Variants in PLEKHG1 observed in about 807,000 individuals in gnomAD.
The protein encoded by PLEKHG1 is pleckstrin homology domain-containing family G member 1.
Under a neutral mutation model 100.8 loss-of-function variants are expected in PLEKHG1, and 44 were observed. That is an observed-to-expected ratio of 0.44 (90% CI 0.34 to 0.56). PLEKHG1 has a LOEUF of 0.56. Ranked by LOEUF, PLEKHG1 falls within the 20% of genes least tolerant of loss-of-function variation. The probability of loss-of-function intolerance (pLI) is 0.01; values close to 1 mark genes in which losing one functional copy is unlikely to be tolerated. For missense variants in PLEKHG1, 1,545 were observed against 1,720.9 expected, an observed-to-expected ratio of 0.90 and a Z score of 1.81; for synonymous variants, 640 against 662.5, an observed-to-expected ratio of 0.97 and a Z score of 0.52.
At chr6:150,603,557 A>G (rs192522121) in intron 1 of PLEKHG1, among the ~76,000 whole-genome samples, 1 of 152,308 alleles carries the variant, frequency 6.6e-6, no homozygotes, top group Non-Finnish European at 1.5e-5. Context: ...TAATGCTGCA[A>G]AACAGCTTCA....
chr6:150,787,737 T>C (rs1038780597), intron 4 of PLEKHG1, among the ~76,000 whole-genome samples: 1 of 152,194 alleles, frequency 6.6e-6, no homozygotes, highest in Non-Finnish European at 1.5e-5. Flanking sequence ...CTGGGTTTTA[T>C]TGGAGCAAAG....
At chr6:150,788,081 T>A (rs745510716) in intron 4 of PLEKHG1, among the ~76,000 whole-genome samples, 4 of 152,256 alleles carry the variant, frequency 2.6e-5, no homozygotes, top group Non-Finnish European at 5.9e-5. Context: ...ATTAAAGATG[T>A]TCCAGCGTAT....
At chr6:150,713,530 C>A (rs1315118301) in intron 3 of PLEKHG1, among the ~76,000 whole-genome samples, 1 of 152,164 alleles carries the variant, frequency 6.6e-6, no homozygotes, top group Non-Finnish European at 1.5e-5. Flanking sequence ...AGCTGTCAAC[C>A]TTATGATGTT....
intron 3 of PLEKHG1, among the ~76,000 whole-genome samples, chr6:150,680,770 G>A (rs1779902814): frequency 6.6e-6 from 1 of 152,180 alleles, no homozygotes; most frequent in African/African-American, 2.4e-5. Context: ...GGTGAAGCGG[G>A]GAAGAGACTA....
chr6:150,825,554 A>G (rs1272428336), intron 14 of PLEKHG1, among the ~76,000 whole-genome samples: 1 of 152,244 alleles, frequency 6.6e-6, no homozygotes, highest in Non-Finnish European at 1.5e-5. Flanking sequence ...CCTGGGCAAC[A>G]GAGTGAGATT....
chr6:150,684,105 A>G (rs1021609615), intron 3 of PLEKHG1, among the ~76,000 whole-genome samples: 3 of 152,340 alleles, frequency 2.0e-5, no homozygotes, highest in Admixed American at 6.5e-5. Context: ...CATGACTTCA[A>G]GAAGCCCTCA....
chr6:150,730,586 G>C (rs113890435), intron 1 of PLEKHG1, among the ~76,000 whole-genome samples: 2 of 152,012 alleles, frequency 1.3e-5, no homozygotes, highest in Admixed American at 6.6e-5. Flanking sequence ...GCCGTGGACC[G>C]GTACCGCACC....
chr6:150,731,190 G>A (rs555914326), intron 1 of PLEKHG1, among the ~76,000 whole-genome samples: 9 of 152,242 alleles, frequency 5.9e-5, no homozygotes, highest in African/African-American at 1.4e-4. Context: ...GATTTTTGCC[G>A]CACCCAAGTT....
At chr6:150,824,830 G>A (rs1776503772) in intron 14 of PLEKHG1, among the ~76,000 whole-genome samples, 2 of 152,104 alleles carry the variant, frequency 1.3e-5, no homozygotes, top group African/African-American at 4.8e-5. Context: ...ACACCCGGCT[G>A]AACATAATCT....
chr6:150,782,149 G>A (rs1785351151), intron 3 of PLEKHG1, among the ~76,000 whole-genome samples: 1 of 151,994 alleles, frequency 6.6e-6, no homozygotes, highest in African/African-American at 2.4e-5. Context: ...CAGGCGTGGG[G>A]GCTCACATCT....
rs75459132 is a variant in PLEKHG1 at position 150,749,135 on chromosome 6, T to C, written c.411+15043T>C. On this transcript the variant is annotated intron_variant, in intron 2 of 15. Transcript: ENST00000358517. ...TAAATATTGGCAGTGCCGGGATGCA[T>C]CCTAGCCCTGCCTCCCAGCCGTTTC... 2.0e-3 allele frequency among the ~76,000 whole-genome samples: 306 copies of C among 152,268 alleles called. 9 individuals are homozygous for C. The East Asian group carries it at 0.048, about 24-fold the overall frequency.
chr6:150,737,012 A>G (rs1782593951), intron 2 of PLEKHG1, among the ~76,000 whole-genome samples: 1 of 152,166 alleles, frequency 6.6e-6, no homozygotes, highest in African/African-American at 2.4e-5. Context: ...AGGCAGGAAG[A>G]GCTAGATGCT....
intron 1 of PLEKHG1, among the ~76,000 whole-genome samples, chr6:150,620,263 A>G (rs1030891898): frequency 2.0e-5 from 3 of 152,204 alleles, no homozygotes; most frequent in African/African-American, 7.2e-5. Flanking sequence ...TGTATTTCCC[A>G]AAGTCCTTCA....
At position 150,831,662 on chromosome 6, in the gene PLEKHG1, G is replaced by A. The variant is rs1456724121; in HGVS notation, c.2551G>A (p.Asp851Asn). ...GGAAAATTACATCAAGAAAAATGAAGACAAGGCCAGAGACCGTCTCCTGGC... is the reference window on the plus strand; with the variant it reads ...GGAAAATTACATCAAGAAAAATGAAAACAAGGCCAGAGACCGTCTCCTGGC... The change falls in exon 15 of 16, where the codon GAC becomes AAC. Residue 851 changes from aspartate to asparagine, a missense_variant. Coordinates refer to ENST00000358517, the Ensembl canonical transcript of PLEKHG1. The surrounding 1 kb of genome is among the most constrained non-coding windows in gnomAD (Gnocchi z 4.1). The A allele has an allele frequency of 1.2e-6, 2 of 1,613,030 alleles. No individual in the cohort carries two copies. Among genetic ancestry groups the A allele is most frequent in the Admixed American group, 3.3e-5 (2 of 60,010 alleles).
chr6:150,840,405 C>G (rs1777463136), exon 16 of PLEKHG1: 1 of 1,614,140 alleles, frequency 6.2e-7, no homozygotes, highest in Non-Finnish European at 8.5e-7. Flanking sequence ...CCAGGACTTG[C>G]TGCCAGATAT....
intron 13 of PLEKHG1, among the ~76,000 whole-genome samples, chr6:150,821,572 T>C (rs1776302761): frequency 6.6e-6 from 1 of 151,844 alleles, no homozygotes; most frequent in East Asian, 2.0e-4. Context: ...TAATCCCAGC[T>C]ACTTGGGAGG....
At chr6:150,776,359 G>A (rs142538006) in intron 3 of PLEKHG1, among the ~76,000 whole-genome samples, 1,553 of 152,358 alleles carry the variant, frequency 0.01, 30 homozygotes, top group African/African-American at 0.036. Context: ...GTACATGTGC[G>A]GTTGCACATC....
chr6:150,752,955 A>G (rs1277664540), intron 2 of PLEKHG1, among the ~76,000 whole-genome samples: 4 of 152,102 alleles, frequency 2.6e-5, no homozygotes, highest in Non-Finnish European at 5.9e-5. Context: ...CTACAAAAAA[A>G]TACAAAAATT....
In PLEKHG1 at chr6:150,809,641, T is replaced by A; in HGVS notation, c.1192-7T>A. 6.2e-7 allele frequency: 1 copy of A among 1,613,332 alleles called. No individual in the cohort carries two copies. The highest frequency in any genetic ancestry group is 8.5e-7 in the Non-Finnish European group (1 of 1,179,344). On this transcript the variant is annotated splice_polypyrimidine_tract_variant and splice_region_variant and intron_variant, in intron 9 of 15. Transcript: ENST00000358517. ...GTTGTCTGACTGTCTACATCTCGTC[T>A]TGGCAGGCCAAATCCCAGCAAGACA...
Sources: gnomAD v4.1 joint callset for allele counts (sites outside exome capture counted in the v4.1 genomes callset) on GRCh38, gnomAD v4.1.1 for gene constraint, Gnocchi (gnomAD v3.1) non-coding constraint, MANE v1.5 for transcripts, NCBI Gene and HGNC (gene_info 2026-07-23, HGNC 2026-07-21) for gene names.